Variants in CLEC16A observed in about 807,000 individuals in gnomAD.
The protein encoded by CLEC16A is protein CLEC16A.
A neutral mutation model predicts 109.5 loss-of-function variants in CLEC16A; 51 were observed. The observed-to-expected ratio is 0.47, with a 90% CI of 0.37 to 0.59. The LOEUF (loss-of-function observed/expected upper bound fraction) is 0.59. Among genes scored for constraint, CLEC16A ranks in the 20% least tolerant of loss-of-function variants. The pLI, the probability that CLEC16A is intolerant of heterozygous loss-of-function variation, is 0.00. For missense variants in CLEC16A, 1,339 were observed against 1,394.0 expected, an observed-to-expected ratio of 0.96 and a Z score of 0.63; for synonymous variants, 673 against 564.2, an observed-to-expected ratio of 1.19 and a Z score of -2.73.
chr16:11,125,041 A>T (rs957589834), intron 21 of CLEC16A, among the ~76,000 whole-genome samples: 4 of 152,112 alleles, frequency 2.6e-5, no homozygotes, highest in African/African-American at 7.2e-5. Flanking sequence ...GTGAGCCATG[A>T]TTGCACCACT....
chr16:11,023,180 A>G (rs995467407), intron 12 of CLEC16A, among the ~76,000 whole-genome samples: 4 of 144,006 alleles, frequency 2.8e-5, no homozygotes, highest in African/African-American at 1.0e-4. Flanking sequence ...TATTGTGTCT[A>G]TAATTTTGTA....
At position 11,165,664 on chromosome 16, in the gene CLEC16A, C is replaced by T. The variant is rs144713006; in HGVS notation, c.2642-724C>T. 9.2e-5 allele frequency among the ~76,000 whole-genome samples: 14 copies of T among 152,296 alleles called. No individual in the cohort carries two copies. The East Asian group carries it at 2.7e-3, about 29-fold the overall frequency. ...AGAAACACAATAGCTGTTCAAGTGT[C>T]TGGTGCTTCTGTGTGGGAAACAGGG... On this transcript the variant is annotated intron_variant, in intron 22 of 23. Coordinates refer to ENST00000409790, the MANE Select transcript of CLEC16A (RefSeq NM_015226.3).
intron 23 of CLEC16A, among the ~76,000 whole-genome samples, chr16:11,169,446 C>T (rs958877792): frequency 6.6e-6 from 1 of 152,120 alleles, no homozygotes; most frequent in African/African-American, 2.4e-5. Flanking sequence ...ACCACCATGC[C>T]CAACTAATTT....
chr16:10,970,883 G>A (rs1230173686), intron 4 of CLEC16A, among the ~76,000 whole-genome samples: 5 of 152,156 alleles, frequency 3.3e-5, no homozygotes, highest in African/African-American at 1.2e-4. Context: ...CAAGTAGCTG[G>A]TACTATGGGT....
At chr16:11,045,927 C>G (rs902031994) in intron 16 of CLEC16A, among the ~76,000 whole-genome samples, 2 of 152,098 alleles carry the variant, frequency 1.3e-5, no homozygotes, top group African/African-American at 4.8e-5. Flanking sequence ...CTCAGATGAC[C>G]CCATCCAGCT....
chr16:11,119,701 T>C (rs1232666922), intron 19 of CLEC16A, among the ~76,000 whole-genome samples: 1 of 152,134 alleles, frequency 6.6e-6, no homozygotes, highest in Non-Finnish European at 1.5e-5. Flanking sequence ...CTAGCTTTGC[T>C]CTTTTTGCTC....
At chr16:11,007,662 C>G (rs868693859) in intron 11 of CLEC16A, among the ~76,000 whole-genome samples, 4 of 152,154 alleles carry the variant, frequency 2.6e-5, no homozygotes, top group East Asian at 1.9e-4. Context: ...GTGAGGCGCT[C>G]GAACAGCAAT....
intron 13 of CLEC16A, among the ~76,000 whole-genome samples, chr16:11,029,266 C>T (rs184586024): frequency 4.6e-5 from 7 of 152,260 alleles, no homozygotes; most frequent in Non-Finnish European, 1.0e-4. Flanking sequence ...CACACTGGCC[C>T]CCCCAGTGTG....
intron 22 of CLEC16A, among the ~76,000 whole-genome samples, chr16:11,140,410 G>A (rs1427873364): frequency 3.3e-5 from 5 of 152,212 alleles, no homozygotes; most frequent in African/African-American, 4.8e-5. Flanking sequence ...AAAGTCTTGG[G>A]CATTTGGGGA....
At chr16:11,159,596 A>G (rs2054648007) in intron 22 of CLEC16A, among the ~76,000 whole-genome samples, 1 of 152,274 alleles carries the variant, frequency 6.6e-6, no homozygotes, top group Non-Finnish European at 1.5e-5. Context: ...TCTTTGAGGA[A>G]TGAGGTTCCA....
At chr16:11,060,730 T>TC (rs2152903751) in intron 18 of CLEC16A, among the ~76,000 whole-genome samples, 172 bp from the exon 19 acceptor site, 1 of 152,196 alleles carries the variant, frequency 6.6e-6, no homozygotes, top group African/African-American at 2.4e-5. Flanking sequence ...ATTTTTTTTT[T>TC]TCTGTCTTGT....
chr16:10,990,038 A>C (rs1407038221), intron 10 of CLEC16A, among the ~76,000 whole-genome samples: 1 of 152,178 alleles, frequency 6.6e-6, no homozygotes, highest in African/African-American at 2.4e-5. Context: ...GCTGGTTCCA[A>C]GGCGCGCACA....
At chr16:11,169,690 C>T (rs2068424298) in intron 23 of CLEC16A, among the ~76,000 whole-genome samples, 1 of 152,218 alleles carries the variant, frequency 6.6e-6, no homozygotes, top group African/African-American at 2.4e-5. Flanking sequence ...AGCTCTAGCC[C>T]ACGGTTTTGA....
intron 10 of CLEC16A, among the ~76,000 whole-genome samples, chr16:10,992,963 C>T (rs1049961911): frequency 2.0e-5 from 3 of 151,730 alleles, no homozygotes; most frequent in Non-Finnish European, 4.4e-5. Flanking sequence ...GGTCGGGGGG[C>T]GTGGCCAAAA....
chr16:11,009,233 GTTCA>G (rs2045246970), intron 11 of CLEC16A, among the ~76,000 whole-genome samples: 1 of 152,096 alleles, frequency 6.6e-6, no homozygotes, highest in African/African-American at 2.4e-5. Flanking sequence ...AGTCTTCAAG[GTTCA>G]TTCATGTTGT....
chr16:11,155,615 C>T (rs1327677367), intron 22 of CLEC16A, among the ~76,000 whole-genome samples: 1 of 152,258 alleles, frequency 6.6e-6, no homozygotes, highest in Non-Finnish European at 1.5e-5. Context: ...TGGCTCCGCA[C>T]ATACTCCCTG....
intron 22 of CLEC16A, among the ~76,000 whole-genome samples, chr16:11,157,793 G>A (rs1335666329): frequency 6.6e-6 from 1 of 152,174 alleles, no homozygotes; most frequent in East Asian, 1.9e-4. Context: ...GAGCAGCCGT[G>A]GGTAGTTTGG....
At position 11,163,408 on chromosome 16, in the gene CLEC16A, G is replaced by A. The variant is rs982959730; in HGVS notation, c.2642-2980G>A. ...GAGGGAAGTGGGAGTTTTAGTAGAA[G>A]TGGGTGAGGGAGAGATGTGTTCAGT... On this transcript the variant is annotated intron_variant, in intron 22 of 23. Coordinates refer to ENST00000409790, the MANE Select transcript of CLEC16A (RefSeq NM_015226.3). 2.0e-5 allele frequency among the ~76,000 whole-genome samples: 3 copies of A among 152,332 alleles called. No homozygotes were observed. In the East Asian group the frequency reaches 5.8e-4, roughly 29 times the overall value.
chr16:11,094,710 C>A (rs2050506322), intron 19 of CLEC16A, among the ~76,000 whole-genome samples: 2 of 152,252 alleles, frequency 1.3e-5, no homozygotes, highest in African/African-American at 4.8e-5. Context: ...TGCCTTCTCT[C>A]ATTTCCCTCC....
Sources: allele counts gnomAD v4.1 joint callset (sites outside exome capture counted in the v4.1 genomes callset), GRCh38; gene constraint gnomAD v4.1.1; transcripts MANE v1.5; gene names NCBI Gene and HGNC (gene_info 2026-07-23, HGNC 2026-07-21).